The following PHACTR2 variants were observed in gnomAD, a reference collection of about 807,000 sequenced individuals.
The protein encoded by PHACTR2 is chromosome 6 open reading frame 56.
PHACTR2 carries 30 observed loss-of-function variants against 76.0 expected under a neutral mutation model. That is an observed-to-expected ratio of 0.39 (90% CI 0.30 to 0.54). The LOEUF (loss-of-function observed/expected upper bound fraction) is 0.54. PHACTR2 is among the 20% of genes least tolerant of loss of function. The pLI, the probability that PHACTR2 is intolerant of heterozygous loss-of-function variation, is 0.61. For missense variants in PHACTR2, 696 were observed against 781.1 expected (o/e 0.89, Z 1.30); for synonymous variants, 292 against 292.5 (o/e 1.00, Z 0.02).
intron 1 of PHACTR2, among the ~76,000 whole-genome samples, chr6:143,542,389 A>G (rs1218532145): frequency 3.3e-5 from 5 of 152,162 alleles, no homozygotes; most frequent in Non-Finnish European, 7.4e-5. Context: ...AGAGCTTGGC[A>G]CATTTGAAAA....
Position 143,755,802 on chromosome 6 carries a change from A to G in PHACTR2, c.454+1890A>G, listed in dbSNP as rs539391118. The stretch of plus-strand genomic sequence containing the variant: ...CGTGAGACTGAAAAGAATGTCACGC[A>G]TAACTAATATTACAGTGTATTATGT... On this transcript the variant is annotated intron_variant, in intron 4 of 12. Coordinates refer to ENST00000440869, the MANE Select transcript of PHACTR2 (RefSeq NM_001100164.2). This position sits in a 1 kb window ranked among gnomAD's most constrained non-coding sequence, Gnocchi z 5.2. Among the ~76,000 whole-genome samples the G allele has an allele frequency of 3.9e-5, 6 of 152,342 alleles. No homozygotes were observed. Among genetic ancestry groups the G allele is most frequent in the South Asian group, 4.1e-4 (2 of 4,830 alleles).
Position 143,765,254 on chromosome 6 carries a change from A to C in PHACTR2, c.695-7A>C, listed in dbSNP as rs1405036278. On this transcript the variant is annotated splice_region_variant and splice_polypyrimidine_tract_variant and intron_variant, in intron 5 of 12. Transcript: ENST00000440869. The surrounding 1 kb of genome is among the most constrained non-coding windows in gnomAD (Gnocchi z 4.1). ...TGATTTTTTAATGCAAGGTCTCTCT[A>C]TTGTAGCTGGCTCCTCTCATTCAAA... The C allele has an allele frequency of 6.2e-7, 1 of 1,607,244 alleles. No homozygotes were observed. Among genetic ancestry groups the C allele is most frequent in the Non-Finnish European group, 8.5e-7 (1 of 1,176,386 alleles).
Position 143,753,631 on chromosome 6 carries a change from C to T in PHACTR2, c.296-123C>T, listed in dbSNP as rs536578706. ...TTTTGAATAAACCGGTGAAACAGTGCAGGGTGTATTTGGTTCCCAGGGACT... is the reference window on the plus strand; with the variant it reads ...TTTTGAATAAACCGGTGAAACAGTGTAGGGTGTATTTGGTTCCCAGGGACT... On this transcript the variant is annotated intron_variant, in intron 3 of 12. Transcript: ENST00000440869. The surrounding 1 kb of genome is among the most constrained non-coding windows in gnomAD (Gnocchi z 4.6). 42 of 640,328 alleles carry T rather than the reference C, an allele frequency of 6.6e-5. No homozygotes were observed. Among genetic ancestry groups the T allele is most frequent in the African/African-American group, 6.3e-4 (34 of 54,102 alleles). The allele number at this position is 640,328 out of a possible 1,614,324, so 39.7% of individuals were successfully genotyped here.
At chr6:143,711,266 G>T (rs1439465832) in intron 1 of PHACTR2, among the ~76,000 whole-genome samples, 2 of 152,000 alleles carry the variant, frequency 1.3e-5, no homozygotes, top group East Asian at 1.9e-4. Context: ...ATCCCTTCTG[G>T]CCTGCTTCCA....
chr6:143,673,726 C>G (rs1331147176), upstream of PHACTR2, among the ~76,000 whole-genome samples: 1 of 152,012 alleles, frequency 6.6e-6, no homozygotes, highest in Non-Finnish European at 1.5e-5. Flanking sequence ...TCCAGCACCA[C>G]CCCTTGAGGT....
intron 1 of PHACTR2, among the ~76,000 whole-genome samples, chr6:143,564,181 G>GTGCATATA (rs1554287823): frequency 1.8e-5 from 1 of 56,268 alleles, no homozygotes; most frequent in Non-Finnish European, 3.7e-5. Context: ...ATGTGTGTGT[G>GTGCATATA]TATGTGTGTG....
At chr6:143,746,566 C>A (rs1779071296) in intron 2 of PHACTR2, among the ~76,000 whole-genome samples, 1 of 152,030 alleles carries the variant, frequency 6.6e-6, no homozygotes, top group Non-Finnish European at 1.5e-5. Context: ...GAATGGAGGC[C>A]AAGACAACTG....
At chr6:143,630,635 ATCCAACACG>A (rs1776349048) in intron 1 of PHACTR2, among the ~76,000 whole-genome samples, 1 of 152,236 alleles carries the variant, frequency 6.6e-6, no homozygotes. Flanking sequence ...GAATTCACTC[ATCCAACACG>A]CTTGGCAAGG....
chr6:143,587,034 A>G (rs1230547245), intron 1 of PHACTR2, among the ~76,000 whole-genome samples: 1 of 152,228 alleles, frequency 6.6e-6, no homozygotes, highest in Non-Finnish European at 1.5e-5. Context: ...AGCTCCTCAT[A>G]TAAGATTAGA....
rs1005482443 is a variant in PHACTR2, at chr6:143,684,660, T to C, written c.46+6451T>C. ...TCTGTACTCTGTCACCACCACTGAA[T>C]ATCAGGGTCACTCTTAGCCCATAGC... On this transcript the variant is annotated intron_variant, in intron 1 of 12. Transcript: ENST00000440869. The surrounding 1 kb of genome is among the most constrained non-coding windows in gnomAD (Gnocchi z 4.3). 6.6e-6 allele frequency among the ~76,000 whole-genome samples: 1 copy of C among 152,258 alleles called. No individual in the cohort carries two copies. The highest frequency in any genetic ancestry group is 2.4e-5 in the African/African-American group (1 of 41,470).
intron 2 of PHACTR2, among the ~76,000 whole-genome samples, chr6:143,713,176 A>G (rs888022912): frequency 3.3e-5 from 5 of 152,212 alleles, no homozygotes; most frequent in African/African-American, 1.2e-4. Context: ...AAAATACTAC[A>G]CACAATGCAA....
chr6:143,719,129 T>G (rs7762824), intron 2 of PHACTR2, among the ~76,000 whole-genome samples: 17,220 of 150,338 alleles, frequency 0.11, 3,013 homozygotes, highest in African/African-American at 0.39. Context: ...GTGATCCACC[T>G]GCCTCGGCCT....
rs1231433567 is a variant in PHACTR2, at chr6:143,549,850, C to T, written c.217+12643C>T. Among the ~76,000 whole-genome samples, 1 of 151,820 alleles carries T rather than the reference C, an allele frequency of 6.6e-6. No individual in the cohort carries two copies. Among genetic ancestry groups the T allele is most frequent in the African/African-American group, 2.4e-5 (1 of 41,362 alleles). On this transcript the variant is annotated intron_variant, in intron 1 of 11. Coordinates refer to the PHACTR2 transcript ENST00000367584. The surrounding 1 kb of genome is among the most constrained non-coding windows in gnomAD (Gnocchi z 4.2). Reference sequence around the variant, plus strand: ...GTGGGGTGTCTCGGTATGATTCAGCCGGTCCCTGGCCTCAACAAGCAAGCT... The same window carrying T: ...GTGGGGTGTCTCGGTATGATTCAGCTGGTCCCTGGCCTCAACAAGCAAGCT...
chr6:143,720,635 C>G (rs1778418140), intron 2 of PHACTR2, among the ~76,000 whole-genome samples: 1 of 152,198 alleles, frequency 6.6e-6, no homozygotes, highest in Non-Finnish European at 1.5e-5. Flanking sequence ...GAGACAGGAT[C>G]TCACTGTGTT....
chr6:143,734,434 T>C (rs1778773836), intron 2 of PHACTR2, among the ~76,000 whole-genome samples: 1 of 152,250 alleles, frequency 6.6e-6, no homozygotes, highest in African/African-American at 2.4e-5. Context: ...ACCATAGACC[T>C]GACTAGTATC....
intron 1 of PHACTR2, among the ~76,000 whole-genome samples, chr6:143,699,833 G>T (rs768304722): frequency 3.9e-5 from 6 of 152,162 alleles, no homozygotes; most frequent in Non-Finnish European, 7.4e-5. Context: ...TGCCTGGGTT[G>T]CTGCAGTCAT....
chr6:143,784,300 A>G lies in PHACTR2; in HGVS notation c.1707+1020A>G, dbSNP rs1289719584. On this transcript the variant is annotated intron_variant, in intron 10 of 12. Coordinates refer to ENST00000440869, the MANE Select transcript of PHACTR2 (RefSeq NM_001100164.2). This position sits in a 1 kb window ranked among gnomAD's most constrained non-coding sequence, Gnocchi z 4.5. The stretch of plus-strand genomic sequence containing the variant: ...CTCAGACAATTGTTGCCACTTATTT[A>G]TGAATATATAAATCTGATGTTAGGG... 6.6e-6 allele frequency among the ~76,000 whole-genome samples: 1 copy of G among 152,196 alleles called. No individual in the cohort carries two copies. Among genetic ancestry groups the G allele is most frequent in the Non-Finnish European group, 1.5e-5 (1 of 68,038 alleles).
chr6:143,661,820 G>T (rs184722867), intron 1 of PHACTR2, among the ~76,000 whole-genome samples: 2 of 152,176 alleles, frequency 1.3e-5, no homozygotes, highest in East Asian at 3.9e-4. Context: ...GCCTCCAAAA[G>T]TGCTGGGATT....
In PHACTR2 at chr6:143,562,510, C is replaced by T. The variant is rs1172875681; in HGVS notation, c.217+25303C>T. ...TCTGCTCCCATGACGCAAACACCTC[C>T]CACCAGGCCCCACCTCCAGCACTGG... On this transcript the variant is annotated intron_variant, in intron 1 of 11. Transcript: ENST00000367584. This position sits in a 1 kb window ranked among gnomAD's most constrained non-coding sequence, Gnocchi z 5.1. Among the ~76,000 whole-genome samples, 1 of 152,108 alleles carries T rather than the reference C, an allele frequency of 6.6e-6. No individual in the cohort carries two copies. The highest frequency in any genetic ancestry group is 1.5e-5 in the Non-Finnish European group (1 of 68,016).
Sources: allele counts gnomAD v4.1 joint callset (sites outside exome capture counted in the v4.1 genomes callset), GRCh38; gene constraint gnomAD v4.1.1; non-coding constraint Gnocchi (gnomAD v3.1); transcripts MANE v1.5; gene names NCBI Gene and HGNC (gene_info 2026-07-23, HGNC 2026-07-21).